Variants in UBAP2 observed in about 807,000 individuals in gnomAD.
UBAP2 encodes ubiquitin-associated protein 2.
UBAP2 carries 75 observed loss-of-function variants against 139.6 expected under a neutral mutation model. That is an observed-to-expected ratio of 0.54 (90% CI 0.45 to 0.65). The LOEUF (loss-of-function observed/expected upper bound fraction) is 0.65. Ranked by LOEUF, UBAP2 falls within the 30% of genes least tolerant of loss-of-function variation. The pLI is 0.00. For missense variants in UBAP2, 1,368 were observed against 1,369.6 expected (o/e 1.00, Z 0.02); for synonymous variants, 526 against 526.2 (o/e 1.00, Z 0.01).
rs1824440927 is a variant in UBAP2, at chr9:34,017,165, A to C, written c.-17T>G. On this transcript the variant is annotated 5_prime_UTR_variant, in exon 2 of 29. Transcript: ENST00000379238. ...AGTCATCATATACAGTATATACAAA[A>C]TAATGTATGTACAAAATAGAAAATC... is the stretch of plus-strand genomic sequence containing the variant. The C allele has an allele frequency of 6.5e-7, 1 of 1,536,946 alleles. No homozygotes were observed. Among genetic ancestry groups the C allele is most frequent in the Non-Finnish European group, 8.8e-7 (1 of 1,139,384 alleles).
Position 34,001,288 on chromosome 9 carries a change from T to A in UBAP2, c.100-2424A>T, listed in dbSNP as rs117383017. On this transcript the variant is annotated intron_variant, in intron 2 of 28. Transcript: ENST00000379238. ...GATTGCAATCCAGGACATACATACATACACATACTAGGGTAGCCTCCTAGT... is the reference window on the plus strand; with the variant it reads ...GATTGCAATCCAGGACATACATACAAACACATACTAGGGTAGCCTCCTAGT... Among the ~76,000 whole-genome samples, 585 of 152,350 alleles carry A rather than the reference T, an allele frequency of 3.8e-3. 2 individuals are homozygous for A. The highest frequency in any genetic ancestry group is 5.4e-3 in the Non-Finnish European group (364 of 68,028).
At chr9:33,997,630 T>C (rs1440247943) in intron 3 of UBAP2, 4 of 152,220 alleles carry the variant, frequency 2.6e-5, no homozygotes, top group African/African-American at 9.6e-5. Context: ...CTGTACTAAG[T>C]GAATGCCTGC....
chr9:34,008,763 G>A (rs927791590), intron 2 of UBAP2, among the ~76,000 whole-genome samples: 6 of 151,386 alleles, frequency 4.0e-5, no homozygotes, highest in Non-Finnish European at 7.4e-5. Context: ...TCAAGAAATC[G>A]AGACCATCCT....
chr9:34,013,326 G>C (rs1823936060), intron 2 of UBAP2, among the ~76,000 whole-genome samples: 1 of 151,790 alleles, frequency 6.6e-6, no homozygotes, highest in Non-Finnish European at 1.5e-5. Context: ...GAGCTGGGTG[G>C]ATCACCTGAA....
At chr9:33,935,426 C>A in intron 17 of UBAP2, 1 of 169,552 alleles carries the variant, frequency 5.9e-6, no homozygotes, top group Non-Finnish European at 1.3e-5. Context: ...GCCACCACAC[C>A]CGGCTAGTTT....
At chr9:33,941,928 AC>A (rs1202755285) in intron 15 of UBAP2, 66 bp from the exon 16 acceptor site, 62 of 1,096,912 alleles carry the variant, frequency 5.7e-5, no homozygotes, top group Non-Finnish European at 7.9e-5. Flanking sequence ...AAAAAAAAAA[AC>A]ATAAACAGCT....
At chr9:33,944,806 T>C (rs895294767) in intron 13 of UBAP2, among the ~76,000 whole-genome samples, 167 bp from the exon 14 acceptor site, 1 of 152,182 alleles carries the variant, frequency 6.6e-6, no homozygotes, top group African/African-American at 2.4e-5. Context: ...ACGGGAAAAG[T>C]TCCTAAATGG....
Position 33,923,176 on chromosome 9 carries a change from T to TA in UBAP2, c.3004+9dup. On this transcript the variant is annotated intron_variant, in intron 26 of 28. Transcript: ENST00000379238. ...CAGGCCTTATCCTGGAAAGGAGAGG[T>TA]AAACACTACCTTTGCCAGGCCCAGA... 6.2e-7 allele frequency: 1 copy of TA among 1,613,992 alleles called. No individual in the cohort carries two copies. Among genetic ancestry groups the TA allele is most frequent in the Non-Finnish European group, 8.5e-7 (1 of 1,179,920 alleles).
At chr9:34,038,375 C>T (rs1202609131) in intron 1 of UBAP2, among the ~76,000 whole-genome samples, 1 of 152,196 alleles carries the variant, frequency 6.6e-6, no homozygotes, top group Non-Finnish European at 1.5e-5. Context: ...CTCACTGCAA[C>T]CTCCCTGCCT....
intron 2 of UBAP2, among the ~76,000 whole-genome samples, chr9:34,011,134 C>G (rs528682089): frequency 6.6e-6 from 1 of 152,124 alleles, no homozygotes; most frequent in African/African-American, 2.4e-5. Context: ...AGAATCTCAC[C>G]AAATATTTCA....
intron 11 of UBAP2, among the ~76,000 whole-genome samples, chr9:33,953,835 A>G (rs980533868): frequency 6.6e-6 from 1 of 152,104 alleles, no homozygotes; most frequent in African/African-American, 2.4e-5. Context: ...ATTACCTAAA[A>G]CCAGAGTTCC....
intron 1 of UBAP2, among the ~76,000 whole-genome samples, chr9:34,043,075 A>AG (rs1827238512): frequency 1.3e-5 from 2 of 152,172 alleles, no homozygotes; most frequent in Admixed American, 1.3e-4. Flanking sequence ...CTCCAAAAAA[A>AG]ACAACTCTAC....
At chr9:33,928,447 G>C (rs1823674009) in intron 19 of UBAP2, 1 of 155,190 alleles carries the variant, frequency 6.4e-6, no homozygotes, top group Admixed American at 6.4e-5. Flanking sequence ...CAATCTTTTG[G>C]AGATTTCCCT....
chr9:33,951,056 G>T (rs561495018), intron 12 of UBAP2, among the ~76,000 whole-genome samples: 2 of 152,148 alleles, frequency 1.3e-5, no homozygotes, highest in Non-Finnish European at 2.9e-5. Context: ...TGGAGACAAG[G>T]TATTGCTGTC....
At chr9:33,946,405 GT>G (rs900817085) in intron 13 of UBAP2, among the ~76,000 whole-genome samples, 42 of 152,176 alleles carry the variant, frequency 2.8e-4, no homozygotes, top group Admixed American at 2.6e-3. Flanking sequence ...CACTATTTAT[GT>G]TTAACTATCT....
chr9:33,947,340 A>G (rs1343127662), intron 13 of UBAP2, among the ~76,000 whole-genome samples: 1 of 152,200 alleles, frequency 6.6e-6, no homozygotes, highest in African/African-American at 2.4e-5. Context: ...TCCTTAATAC[A>G]GTGTGGCATG....
intron 13 of UBAP2, among the ~76,000 whole-genome samples, chr9:33,945,655 T>TAGAC (rs752768859): frequency 5.3e-5 from 8 of 152,292 alleles, no homozygotes; most frequent in Middle Eastern, 3.4e-3. Flanking sequence ...ACAATATATA[T>TAGAC]AGACAGACAG....
intron 5 of UBAP2, among the ~76,000 whole-genome samples, chr9:33,988,598 C>T (rs1009207200): frequency 2.6e-5 from 4 of 152,136 alleles, no homozygotes; most frequent in Admixed American, 1.3e-4. Flanking sequence ...CCTTCTTTGC[C>T]ACACACACAC....
intron 1 of UBAP2, among the ~76,000 whole-genome samples, chr9:34,042,495 A>T (rs1827187366): frequency 6.8e-6 from 1 of 147,884 alleles, no homozygotes; most frequent in Non-Finnish European, 1.5e-5. Flanking sequence ...AAAAAAAAAA[A>T]AGGAACAGTA....
Sources: gnomAD v4.1 joint callset for allele counts (sites outside exome capture counted in the v4.1 genomes callset) on GRCh38, gnomAD v4.1.1 for gene constraint, MANE v1.5 for transcripts, NCBI Gene and HGNC (gene_info 2026-07-23, HGNC 2026-07-21) for gene names.